RANBP2: variants seen among roughly 807,000 people sequenced by gnomAD.
RANBP2 encodes the protein E3 SUMO-protein ligase RanBP2.
In RANBP2, 57 loss-of-function variants were observed where a neutral mutation model predicts 303.6. The ratio of observed to expected loss-of-function variants is 0.19; its 90% CI spans 0.15 to 0.23. The LOEUF (loss-of-function observed/expected upper bound fraction) is 0.23. Among genes scored for constraint, RANBP2 ranks in the 10% least tolerant of loss-of-function variants. The probability of loss-of-function intolerance (pLI) is 1.00; values close to 1 mark genes in which losing one functional copy is unlikely to be tolerated. For synonymous variants in RANBP2, 1,167 were observed against 1,301.5 expected (o/e 0.90, Z 2.23); for missense variants, 3,138 against 3,780.8 (o/e 0.83, Z 4.46).
chr2:109,174,513 C>T, the RANBP2 span, among the ~76,000 whole-genome samples: 201 of 152,312 alleles, frequency 1.3e-3, no homozygotes, highest in African/African-American at 4.0e-3. Flanking sequence ...GCCAGGGCAA[C>T]GGGCAGTCCT....
chr2:108,898,112 C>T, the RANBP2 span, among the ~76,000 whole-genome samples: 2 of 152,152 alleles, frequency 1.3e-5, no homozygotes, highest in Non-Finnish European at 2.9e-5. Context: ...AACATTTAGA[C>T]AATAATTGCT....
rs1432232815 is a variant in RANBP2, at chr2:108,771,861, A to G, written c.8010A>G (p.Glu2670=). Residue 2670 remains glutamate (E), a synonymous_variant, in exon 21 of 29, where the codon GAA becomes GAG. Transcript: ENST00000283195. ...YKNRPDYVSE[E]EEDDEDFETA... is the part of the protein sequence containing the mutation. The stretch of plus-strand genomic sequence containing the variant: ...ATAGACCAGATTATGTTAGTGAAGA[A>G]GAGGAGGATGGTAAAACTTTTGTTA... 6.2e-7 allele frequency: 1 copy of G among 1,614,022 alleles called. No homozygotes were observed. Among genetic ancestry groups the G allele is most frequent in the East Asian group, 2.2e-5 (1 of 44,848 alleles).
the RANBP2 span, among the ~76,000 whole-genome samples, chr2:109,059,680 T>C: frequency 6.6e-6 from 1 of 152,130 alleles, no homozygotes; most frequent in African/African-American, 2.4e-5. Flanking sequence ...ACTGTGGCAC[T>C]GTGCCAGCCC....
chr2:109,192,157 G>A, the RANBP2 span, among the ~76,000 whole-genome samples: 24 of 152,094 alleles, frequency 1.6e-4, no homozygotes, highest in Non-Finnish European at 2.4e-4. Context: ...CTTTGAGAGC[G>A]GTTCGGTTCT....
the RANBP2 span, among the ~76,000 whole-genome samples, chr2:109,152,461 C>T: frequency 1.5e-4 from 23 of 152,344 alleles, no homozygotes; most frequent in South Asian, 8.3e-4. Context: ...AGCCTTGTTC[C>T]GGGTGCCTGA....
the RANBP2 span, among the ~76,000 whole-genome samples, chr2:108,905,790 T>C: frequency 6.6e-6 from 1 of 152,152 alleles, no homozygotes; most frequent in Non-Finnish European, 1.5e-5. Flanking sequence ...TCCTGTTGCC[T>C]CTTAACCTGC....
chr2:108,892,906 A>G, the RANBP2 span, among the ~76,000 whole-genome samples: 15 of 152,302 alleles, frequency 9.8e-5, no homozygotes, highest in South Asian at 6.2e-4. Flanking sequence ...GACTGTCTAC[A>G]CACTGTTTTT....
the RANBP2 span, chr2:109,564,389 C>A: frequency 6.3e-7 from 1 of 1,576,778 alleles, no homozygotes; most frequent in Non-Finnish European, 8.6e-7. Flanking sequence ...TTTCTGGGCC[C>A]ACATCTGTAA....
chr2:109,535,063 C>A, the RANBP2 span, among the ~76,000 whole-genome samples: 1 of 152,152 alleles, frequency 6.6e-6, no homozygotes, highest in Non-Finnish European at 1.5e-5. Context: ...TGTTTAATTT[C>A]TTTCAGAACC....
At chr2:109,086,593 T>A in the RANBP2 span, among the ~76,000 whole-genome samples, 1 of 151,970 alleles carries the variant, frequency 6.6e-6, no homozygotes, top group Non-Finnish European at 1.5e-5. Flanking sequence ...ATCGAGTGAG[T>A]CTTCTGCAAC....
the RANBP2 span, among the ~76,000 whole-genome samples, chr2:109,267,994 G>A: frequency 3.9e-5 from 6 of 151,906 alleles, no homozygotes; most frequent in African/African-American, 9.7e-5. Flanking sequence ...CGGGTGAAAC[G>A]GACATCCCCA....
the RANBP2 span, among the ~76,000 whole-genome samples, chr2:109,291,352 C>G: frequency 6.7e-6 from 1 of 149,726 alleles, no homozygotes; most frequent in African/African-American, 2.5e-5. Context: ...GCAGCTGCCT[C>G]TATTGCTTTT....
the RANBP2 span, among the ~76,000 whole-genome samples, chr2:109,499,321 G>A: frequency 6.6e-6 from 1 of 152,200 alleles, no homozygotes; most frequent in African/African-American, 2.4e-5. Context: ...AGCAAAGTGG[G>A]TGTCTGAGGG....
downstream of RANBP2, among the ~76,000 whole-genome samples, chr2:108,790,306 G>C (rs1269276241): frequency 6.6e-6 from 1 of 152,050 alleles, no homozygotes; most frequent in African/African-American, 2.4e-5. Context: ...TTTTAACTGA[G>C]TTTTATCATT....
At chr2:109,570,610 C>A in the RANBP2 span, among the ~76,000 whole-genome samples, 1 of 133,628 alleles carries the variant, frequency 7.5e-6, no homozygotes, top group Admixed American at 1.0e-4. Flanking sequence ...CTGCAACCTC[C>A]GCCTCCCAAG....
the RANBP2 span, among the ~76,000 whole-genome samples, chr2:109,058,873 C>G: frequency 6.6e-6 from 1 of 152,150 alleles, no homozygotes; most frequent in African/African-American, 2.4e-5. Flanking sequence ...CCTGGGAAAG[C>G]AGGATCTTGT....
At chr2:109,066,492 C>T in the RANBP2 span, among the ~76,000 whole-genome samples, 1 of 152,206 alleles carries the variant, frequency 6.6e-6, no homozygotes, top group Non-Finnish European at 1.5e-5. Context: ...CAACTTGTCC[C>T]TCACCACACT....
chr2:109,052,608 C>A, the RANBP2 span, among the ~76,000 whole-genome samples: 2 of 152,144 alleles, frequency 1.3e-5, no homozygotes, highest in Non-Finnish European at 2.9e-5. Flanking sequence ...ATACGAAATG[C>A]CTAGTGTCCT....
the RANBP2 span, chr2:108,875,969 C>T: frequency 1.0e-5 from 6 of 597,132 alleles, no homozygotes; most frequent in Non-Finnish European, 1.7e-5. Flanking sequence ...CTATTTTCTC[C>T]ACTGTTTTTA....
Sources: allele counts gnomAD v4.1 joint callset (sites outside exome capture counted in the v4.1 genomes callset), GRCh38; gene constraint gnomAD v4.1.1; transcripts MANE v1.5; gene names NCBI Gene and HGNC (gene_info 2026-07-23, HGNC 2026-07-21).